CSMD3: variants seen among roughly 807,000 people sequenced by gnomAD.
CSMD3 encodes CUB and sushi domain-containing protein 3.
CSMD3 carries 177 observed loss-of-function variants against 435.2 expected under a neutral mutation model. That is an observed-to-expected ratio of 0.41 (90% CI 0.36 to 0.46). The LOEUF (loss-of-function observed/expected upper bound fraction) is 0.46, where lower values mean the gene tolerates loss of function less well. CSMD3 is among the 20% of genes least tolerant of loss of function. CSMD3 has a pLI of 0.34. For missense variants in CSMD3, 4,265 were observed against 4,504.6 expected (o/e 0.95, Z 1.52); for synonymous variants, 1,656 against 1,520.5 (o/e 1.09, Z -2.07).
At chr8:113,295,635 T>A (rs1313979873) in intron 2 of CSMD3, among the ~76,000 whole-genome samples, 1 of 152,198 alleles carries the variant, frequency 6.6e-6, no homozygotes, top group African/African-American at 2.4e-5. Context: ...CTCACGCCTC[T>A]AATCCTCGCA....
At chr8:113,316,986 T>C (rs958648288) in intron 1 of CSMD3, among the ~76,000 whole-genome samples, 3 of 152,172 alleles carry the variant, frequency 2.0e-5, no homozygotes, top group Admixed American at 1.3e-4. Context: ...TCTCACCATA[T>C]GGCAAAGTCT....
At chr8:113,304,009 C>T (rs973130698) in intron 2 of CSMD3, among the ~76,000 whole-genome samples, 2 of 139,664 alleles carry the variant, frequency 1.4e-5, no homozygotes, top group African/African-American at 5.1e-5. Flanking sequence ...TGGCAACCTA[C>T]TCATCTGACA....
intron 38 of CSMD3, among the ~76,000 whole-genome samples, chr8:112,358,819 C>T (rs1023638720): frequency 1.2e-4 from 18 of 152,148 alleles, no homozygotes; most frequent in East Asian, 7.7e-4. Context: ...TGCTGACTAC[C>T]GAGGTGATGA....
At chr8:113,387,504 T>G (rs2094444299) in intron 1 of CSMD3, among the ~76,000 whole-genome samples, 1 of 151,744 alleles carries the variant, frequency 6.6e-6, no homozygotes, top group African/African-American at 2.4e-5. Context: ...TCATAATAAA[T>G]TTTATGATTG....
chr8:112,387,677 A>G (rs2129664072), intron 36 of CSMD3, among the ~76,000 whole-genome samples: 1 of 152,296 alleles, frequency 6.6e-6, no homozygotes, highest in Non-Finnish European at 1.5e-5. Context: ...TGTTTTCTAA[A>G]GTACAGTCAA....
At chr8:112,315,686 CTTTTGGG>C in intron 47 of CSMD3, among the ~76,000 whole-genome samples, 1 of 151,868 alleles carries the variant, frequency 6.6e-6, no homozygotes, top group East Asian at 1.9e-4. Flanking sequence ...ACTGGACTAT[CTTTTGGG>C]TGTTCTTACT....
intron 4 of CSMD3, among the ~76,000 whole-genome samples, chr8:113,113,493 A>C (rs930029519): frequency 2.6e-5 from 4 of 152,192 alleles, no homozygotes; most frequent in African/African-American, 7.2e-5. Flanking sequence ...AGCAACAAAT[A>C]ATGTTTTTAA....
intron 13 of CSMD3, among the ~76,000 whole-genome samples, chr8:112,744,584 G>T (rs1194581445): frequency 3.3e-5 from 5 of 151,712 alleles, no homozygotes; most frequent in African/African-American, 1.2e-4. Flanking sequence ...GTACTGAAAG[G>T]GAGAAAACAA....
intron 64 of CSMD3, among the ~76,000 whole-genome samples, chr8:112,246,674 C>T (rs1814752410): frequency 6.6e-6 from 1 of 152,126 alleles, no homozygotes. Flanking sequence ...AAATTAGAAG[C>T]TGTTAGATTG....
At chr8:112,756,790 C>G (rs113663195) in intron 13 of CSMD3, among the ~76,000 whole-genome samples, 1 of 143,728 alleles carries the variant, frequency 7.0e-6, no homozygotes, top group Admixed American at 7.1e-5. Flanking sequence ...TTTTTTGAGA[C>G]GGAAGTCTCA....
At chr8:112,847,649 T>C (rs1333214710) in intron 11 of CSMD3, among the ~76,000 whole-genome samples, 9 of 152,162 alleles carry the variant, frequency 5.9e-5, no homozygotes, top group Admixed American at 5.9e-4. Flanking sequence ...TGACTCTCTA[T>C]GCCTGGCTGA....
At chr8:112,368,601 A>T (rs1828016989) in intron 38 of CSMD3, among the ~76,000 whole-genome samples, 1 of 152,176 alleles carries the variant, frequency 6.6e-6, no homozygotes, top group Non-Finnish European at 1.5e-5. Flanking sequence ...TAGAAAATGT[A>T]CCTTGCATTT....
intron 7 of CSMD3, among the ~76,000 whole-genome samples, chr8:112,967,491 C>T (rs2084468060): frequency 6.6e-6 from 1 of 151,750 alleles, no homozygotes; most frequent in Admixed American, 6.6e-5. Context: ...TTTTAACTAG[C>T]TGTTTTTTTT....
intron 4 of CSMD3, among the ~76,000 whole-genome samples, chr8:113,138,597 A>G (rs1302055433): frequency 1.3e-5 from 2 of 151,418 alleles, no homozygotes; most frequent in African/African-American, 4.8e-5. Flanking sequence ...ATTATAAGCT[A>G]TAATAATAGG....
intron 22 of CSMD3, among the ~76,000 whole-genome samples, chr8:112,613,677 A>G (rs1026777397): frequency 3.9e-5 from 6 of 152,148 alleles, no homozygotes; most frequent in African/African-American, 1.4e-4. Context: ...CATCTCACAA[A>G]TATTTGTTGA....
chr8:112,925,065 GA>G (rs2082869090), intron 9 of CSMD3, among the ~76,000 whole-genome samples: 1 of 151,950 alleles, frequency 6.6e-6, no homozygotes, highest in African/African-American at 2.4e-5. Flanking sequence ...TCTGGTGGGG[GA>G]AATTTATTTT....
At chr8:113,109,801 T>C (rs2090584326) in intron 4 of CSMD3, among the ~76,000 whole-genome samples, 1 of 152,198 alleles carries the variant, frequency 6.6e-6, no homozygotes, top group Non-Finnish European at 1.5e-5. Context: ...AAACTCTTCA[T>C]GGTGGCTTCA....
At chr8:112,952,982 A>G (rs1347141476) in intron 8 of CSMD3, among the ~76,000 whole-genome samples, 2 of 151,324 alleles carry the variant, frequency 1.3e-5, no homozygotes, top group Non-Finnish European at 3.0e-5. Context: ...CAATATACCA[A>G]CAGGGATATA....
At chr8:113,366,960 A>T (rs1440952208) in intron 1 of CSMD3, among the ~76,000 whole-genome samples, 1 of 152,060 alleles carries the variant, frequency 6.6e-6, no homozygotes, top group African/African-American at 2.4e-5. Flanking sequence ...TATTGAAATT[A>T]GGTTATTCCC....
Sources: gnomAD v4.1 joint callset for allele counts (sites outside exome capture counted in the v4.1 genomes callset) on GRCh38, gnomAD v4.1.1 for gene constraint, MANE v1.5 for transcripts, NCBI Gene and HGNC (gene_info 2026-07-23, HGNC 2026-07-21) for gene names.